Variants in DGKI observed in about 807,000 individuals in gnomAD.
The protein encoded by DGKI is diacylglycerol kinase iota, also known as DAG kinase iota.
In DGKI, 55 loss-of-function variants were observed where a neutral mutation model predicts 147.5. The ratio of observed to expected loss-of-function variants is 0.37; its 90% CI spans 0.30 to 0.47. The LOEUF (loss-of-function observed/expected upper bound fraction) is 0.47. Among genes scored for constraint, DGKI ranks in the 20% least tolerant of loss-of-function variants. The pLI, the probability that DGKI is intolerant of heterozygous loss-of-function variation, is 1.00. For synonymous variants in DGKI, 469 were observed against 477.1 expected, an observed-to-expected ratio of 0.98 and a Z score of 0.22; for missense variants, 1,007 against 1,323.8, an observed-to-expected ratio of 0.76 and a Z score of 3.71.
At chr7:137,705,235 A>C (rs575725772) in intron 1 of DGKI, among the ~76,000 whole-genome samples, 122 of 152,214 alleles carry the variant, frequency 8.0e-4, no homozygotes, top group African/African-American at 2.7e-3. Flanking sequence ...TATGACCCAG[A>C]AATTTCACTC....
intron 6 of DGKI, among the ~76,000 whole-genome samples, chr7:137,625,753 A>G (rs896587949): frequency 1.3e-5 from 2 of 151,740 alleles, no homozygotes; most frequent in African/African-American, 4.8e-5. Flanking sequence ...TAAAAAAAAA[A>G]AAAAAAAGAC....
chr7:137,415,558 C>CT (rs1340002711), intron 28 of DGKI, among the ~76,000 whole-genome samples: 1 of 152,152 alleles, frequency 6.6e-6, no homozygotes, highest in Non-Finnish European at 1.5e-5. Flanking sequence ...TCAGTTTGGA[C>CT]TTTAATACTA....
At chr7:137,420,028 C>A (rs1467654843) in intron 28 of DGKI, among the ~76,000 whole-genome samples, 1 of 152,218 alleles carries the variant, frequency 6.6e-6, no homozygotes, top group Non-Finnish European at 1.5e-5. Context: ...TACCTGGCAG[C>A]AGTTGGAGCT....
At chr7:137,663,569 A>G (rs1355629391) in intron 3 of DGKI, among the ~76,000 whole-genome samples, 1 of 152,154 alleles carries the variant, frequency 6.6e-6, no homozygotes, top group Non-Finnish European at 1.5e-5. Context: ...GTGTCTATGT[A>G]CAGGAGTCAC....
At chr7:137,541,051 T>C (rs1323981273) in intron 20 of DGKI, among the ~76,000 whole-genome samples, 1 of 152,090 alleles carries the variant, frequency 6.6e-6, no homozygotes, top group African/African-American at 2.4e-5. Context: ...AAAATGTGTA[T>C]GGAAAGACAA....
intron 1 of DGKI, among the ~76,000 whole-genome samples, chr7:137,826,479 C>G (rs1296700275): frequency 6.6e-6 from 1 of 152,162 alleles, no homozygotes; most frequent in South Asian, 2.1e-4. Flanking sequence ...GCAAAATTAT[C>G]TGTATTTCTA....
intron 1 of DGKI, among the ~76,000 whole-genome samples, chr7:137,754,108 G>A (rs1308979966): frequency 2.0e-5 from 3 of 152,120 alleles, no homozygotes; most frequent in Non-Finnish European, 2.9e-5. Flanking sequence ...GAAGGTGGGA[G>A]GCACTGTGGG....
intron 20 of DGKI, chr7:137,545,753 A>G (rs1817842445): frequency 2.1e-6 from 1 of 476,442 alleles, no homozygotes; most frequent in Non-Finnish European, 3.7e-6. Flanking sequence ...CTCCATTTCA[A>G]ATCAAAGAGG....
chr7:137,623,511 G>C lies in DGKI; in HGVS notation c.848C>G (p.Ala283Gly), dbSNP rs1386107067. Residue 283 changes from alanine (A) to glycine (G), a missense_variant, in exon 7 of 33, where the codon GCT becomes GGT. Ala to Gly is a moderately conservative substitution (Grantham distance 60, BLOSUM62 0). Transcript: ENST00000614521. ...KFSFHSKEIV[A>G]ISCSWCKQAF... ...CTGCTTGCACCAGGAACAGCTGATA[G>C]CCACAATCTCTTTACTGTGGAAGGA... 1 of 1,614,074 alleles carries C rather than the reference G, an allele frequency of 6.2e-7. No homozygotes were observed. Among genetic ancestry groups the C allele is most frequent in the Non-Finnish European group, 8.5e-7 (1 of 1,179,936 alleles).
chr7:137,438,716 A>C (rs546948566), intron 28 of DGKI, among the ~76,000 whole-genome samples: 20 of 152,198 alleles, frequency 1.3e-4, no homozygotes, highest in Non-Finnish European at 1.8e-4. Flanking sequence ...GGATATATAA[A>C]TTGGTATATA....
chr7:137,594,098 G>A (rs1585265861), intron 12 of DGKI, among the ~76,000 whole-genome samples: 1 of 152,288 alleles, frequency 6.6e-6, no homozygotes, highest in African/African-American at 2.4e-5. Context: ...CCAGGCTGGA[G>A]TGCAGTAGCA....
At chr7:137,472,589 A>C (rs912419069) in intron 23 of DGKI, among the ~76,000 whole-genome samples, 3 of 150,610 alleles carry the variant, frequency 2.0e-5, no homozygotes, top group Non-Finnish European at 3.0e-5. Flanking sequence ...TTATATGAGA[A>C]TTATGTGTAA....
intron 1 of DGKI, among the ~76,000 whole-genome samples, chr7:137,804,289 A>C (rs1051940396): frequency 6.6e-6 from 1 of 152,224 alleles, no homozygotes; most frequent in Non-Finnish European, 1.5e-5. Flanking sequence ...AAAATGAAGA[A>C]AATTACCACT....
chr7:137,698,131 T>C (rs1225106945), intron 1 of DGKI, among the ~76,000 whole-genome samples: 1 of 150,690 alleles, frequency 6.6e-6, no homozygotes, highest in Non-Finnish European at 1.5e-5. Flanking sequence ...GATATAGATA[T>C]AGATATAACT....
chr7:137,539,054 T>C (rs1365564959), intron 20 of DGKI, among the ~76,000 whole-genome samples: 2 of 152,030 alleles, frequency 1.3e-5, no homozygotes, highest in East Asian at 1.9e-4. Flanking sequence ...CTTTCTTTTT[T>C]CCCCCCTCCA....
chr7:137,682,639 T>A (rs1269080459), intron 2 of DGKI, among the ~76,000 whole-genome samples: 1 of 152,250 alleles, frequency 6.6e-6, no homozygotes, highest in Admixed American at 6.5e-5. Context: ...TAGCCAGTCC[T>A]CAAAATAATT....
chr7:137,690,190 C>G (rs2116454932), intron 1 of DGKI, among the ~76,000 whole-genome samples, 188 bp from the exon 2 acceptor site: 1 of 152,152 alleles, frequency 6.6e-6, no homozygotes. Context: ...GTGGCAGGTC[C>G]CAAAAGACAG....
intron 28 of DGKI, among the ~76,000 whole-genome samples, chr7:137,413,643 C>T (rs1056742623): frequency 4.6e-5 from 7 of 152,160 alleles, no homozygotes; most frequent in African/African-American, 1.7e-4. Flanking sequence ...TGTAGTATTC[C>T]ATGGTGTATA....
chr7:137,413,615 C>A (rs576503062), intron 28 of DGKI, among the ~76,000 whole-genome samples: 1 of 152,308 alleles, frequency 6.6e-6, no homozygotes, highest in African/African-American at 2.4e-5. Flanking sequence ...GACATGATTT[C>A]ATTCTTTTTT....
Sources: gnomAD v4.1 joint callset for allele counts (sites outside exome capture counted in the v4.1 genomes callset) on GRCh38, gnomAD v4.1.1 for gene constraint, MANE v1.5 for transcripts, NCBI Gene and HGNC (gene_info 2026-07-23, HGNC 2026-07-21) for gene names.